OTOGL: variants seen among roughly 807,000 people sequenced by gnomAD.
OTOGL encodes the protein otogelin-like protein.
OTOGL carries 285 observed loss-of-function variants against 318.5 expected under a neutral mutation model. The ratio of observed to expected loss-of-function variants is 0.89; its 90% CI spans 0.81 to 0.99. The LOEUF (loss-of-function observed/expected upper bound fraction) is 0.99, where lower values mean the gene tolerates loss of function less well. Ranked by LOEUF, OTOGL falls within the 50% of genes least tolerant of loss-of-function variation. The pLI is 0.00. For missense variants in OTOGL, 2,899 were observed against 2,845.6 expected (o/e 1.02, Z -0.43); for synonymous variants, 987 against 936.5 (o/e 1.05, Z -0.99).
At chr12:80,303,587 A>C (rs1245797623) in intron 28 of OTOGL, among the ~76,000 whole-genome samples, 1 of 152,208 alleles carries the variant, frequency 6.6e-6, no homozygotes, top group African/African-American at 2.4e-5. Flanking sequence ...TTTATAAAGA[A>C]AAGAGGTTTA....
At chr12:80,377,806 T>C in intron 58 of OTOGL, 42 bp from the exon 59 acceptor site, 1 of 1,444,022 alleles carries the variant, frequency 6.9e-7, no homozygotes, top group Middle Eastern at 2.1e-4. Context: ...ACCAGTACTT[T>C]TAAAAGTTTA....
intron 29 of OTOGL, among the ~76,000 whole-genome samples, chr12:80,307,441 C>A (rs1241411754): frequency 1.5e-5 from 2 of 131,376 alleles, no homozygotes; most frequent in African/African-American, 2.7e-5. Flanking sequence ...GGGGGGCTGA[C>A]CCCCCCCACC....
At chr12:80,137,154 A>T (rs1871629070) in intron 1 of OTOGL, among the ~76,000 whole-genome samples, 1 of 152,186 alleles carries the variant, frequency 6.6e-6, no homozygotes, top group Non-Finnish European at 1.5e-5. Context: ...TAATCTCTCA[A>T]ATTTTATTCT....
At position 80,256,344 on chromosome 12, in the gene OTOGL, G is replaced by T; in HGVS notation, c.1595G>T (p.Gly532Val). ...LQKAPCEQNL[G>V]LVCLQSITLI... ...AATTTGATTTTTACGCAGAATCTTGGCTTGGTCTGCCTTCAGTCTATAACT... is the reference window on the plus strand; with the variant it reads ...AATTTGATTTTTACGCAGAATCTTGTCTTGGTCTGCCTTCAGTCTATAACT... The change falls in exon 17 of 59, where the codon GGC becomes GTC. Residue 532 changes from glycine (G) to valine (V), a missense_variant. By Grantham distance (109) the Gly-to-Val change is moderately radical (BLOSUM62 -3). This residue lies in a region of OTOGL where 2,607 missense variants were observed against 2,524.9 expected (regional missense o/e 1.03). Coordinates refer to ENST00000547103, the MANE Select transcript of OTOGL (RefSeq NM_001378609.3). 1.3e-6 allele frequency: 2 copies of T among 1,594,930 alleles called. No homozygotes were observed. The highest frequency in any genetic ancestry group is 1.7e-6 in the Non-Finnish European group (2 of 1,176,846).
At chr12:80,147,312 A>T (rs1354434426) in intron 1 of OTOGL, among the ~76,000 whole-genome samples, 3 of 143,854 alleles carry the variant, frequency 2.1e-5, no homozygotes, top group Admixed American at 6.9e-5. Context: ...TTCGTTATGT[A>T]CCCAGTAGTC....
chr12:80,303,041 C>T (rs1885870631), intron 28 of OTOGL, among the ~76,000 whole-genome samples: 1 of 152,180 alleles, frequency 6.6e-6, no homozygotes, highest in African/African-American at 2.4e-5. Context: ...TTTTCTTCAG[C>T]TTAATTATGT....
intron 28 of OTOGL, among the ~76,000 whole-genome samples, chr12:80,303,090 C>T (rs1885874830): frequency 1.3e-5 from 2 of 152,174 alleles, no homozygotes; most frequent in Non-Finnish European, 2.9e-5. Flanking sequence ...TTCTTACAAA[C>T]TGCGTTCCAT....
chr12:80,276,266 G>A (rs1341965168), intron 24 of OTOGL, among the ~76,000 whole-genome samples: 2 of 151,732 alleles, frequency 1.3e-5, no homozygotes, highest in African/African-American at 2.4e-5. Flanking sequence ...TAAGCTATAG[G>A]AATGGGGGGT....
Position 80,278,227 on chromosome 12 carries a change from A to T in OTOGL, c.2741A>T (p.Asp914Val), listed in dbSNP as rs1219461181. 1 of 1,546,998 alleles carries T rather than the reference A, an allele frequency of 6.5e-7. No individual in the cohort carries two copies. Reference protein sequence around the residue: ...VPESCPCIWKDWEYLSGEVIA... With the variant: ...VPESCPCIWKVWEYLSGEVIA... The stretch of plus-strand genomic sequence containing the variant: ...GAAAGCTGCCCATGTATTTGGAAAG[A>T]TTGGGAGTATCTCTCAGGAGAAGTG... The change falls in exon 25 of 59, where the codon GAT (aspartate) becomes GTT (valine). Residue 914 changes from aspartate to valine, a missense_variant. Asp to Val is a radical substitution (Grantham distance 152, BLOSUM62 -3). Coordinates refer to ENST00000547103, the MANE Select transcript of OTOGL (RefSeq NM_001378609.3).
At chr12:80,225,241 C>T (rs1878723635) in intron 7 of OTOGL, among the ~76,000 whole-genome samples, 1 of 152,038 alleles carries the variant, frequency 6.6e-6, no homozygotes, top group East Asian at 1.9e-4. Context: ...TACTACTCCC[C>T]CACCCCTCAC....
rs182563515 is a variant in OTOGL, at chr12:80,370,600, A to T, written c.6646A>T (p.Thr2216Ser). ...GAGTACCTGGCACTACAATTGCACC[A>T]CATATGAATGTGTTAAAACTGATGA... ...VGSTWHYNCT[T>S]YECVKTDEGA... Residue 2216 changes from threonine (T) to serine (S), a missense_variant, in exon 56 of 59, where the codon ACA becomes TCA. Around this residue, in one of 3 missense-constraint regions of OTOGL, gnomAD observed 289 missense variants for 304.6 expected, o/e 0.95. Coordinates refer to ENST00000547103, the MANE Select transcript of OTOGL (RefSeq NM_001378609.3). 2.1e-4 allele frequency: 328 copies of T among 1,573,852 alleles called. 2 individuals are homozygous for T. Among genetic ancestry groups the T allele is most frequent in the Non-Finnish European group, 4.3e-6 (5 of 1,159,900 alleles).
chr12:80,367,788 A>AGG, intron 54 of OTOGL, 49 bp downstream of exon 54: 1 of 1,242,318 alleles, frequency 8.0e-7, no homozygotes, highest in Non-Finnish European at 1.1e-6. Flanking sequence ...GCATTCAAAA[A>AGG]TGGCAGAGTT....
At chr12:80,358,214 C>T (rs779676266) in intron 49 of OTOGL, 34 bp from the exon 50 acceptor site, 2 of 1,383,164 alleles carry the variant, frequency 1.4e-6, no homozygotes, top group Non-Finnish European at 1.0e-6. Flanking sequence ...GTTTTTAGCT[C>T]AGCTGTGATT....
intron 4 of OTOGL, among the ~76,000 whole-genome samples, chr12:80,213,552 G>A (rs959048234): frequency 1.3e-5 from 2 of 152,118 alleles, no homozygotes; most frequent in African/African-American, 2.4e-5. Flanking sequence ...CACCTCTGAC[G>A]CCAGAATAGG....
chr12:80,199,485 AAG>A (rs1175878196), intron 1 of OTOGL, among the ~76,000 whole-genome samples: 1 of 152,202 alleles, frequency 6.6e-6, no homozygotes, highest in Non-Finnish European at 1.5e-5. Flanking sequence ...GTAATCTTTG[AAG>A]AGAGAGGCCA....
At position 80,265,604 on chromosome 12, in the gene OTOGL, C is replaced by T. The variant is rs1431384538; in HGVS notation, c.2224+394C>T. 2.0e-5 allele frequency: 4 copies of T among 204,454 alleles called. No homozygotes were observed. In the South Asian group the frequency reaches 3.2e-4, roughly 17 times the overall value. The allele number at this position is 204,454 out of a possible 1,614,324, so 12.7% of individuals were successfully genotyped here. ...ATGTTATGCAACAGGCAATTATTAT[C>T]AAGTTATTGGGGCTCTAATTTTCAC... On this transcript the variant is annotated intron_variant, in intron 20 of 58. Transcript: ENST00000547103.
intron 27 of OTOGL, among the ~76,000 whole-genome samples, chr12:80,301,015 ACT>A (rs1885726076): frequency 6.6e-6 from 1 of 152,162 alleles, no homozygotes; most frequent in Non-Finnish European, 1.5e-5. Flanking sequence ...GGTCTAGGAG[ACT>A]GAAAACTCCT....
chr12:80,271,638 A>T lies in OTOGL; in HGVS notation c.2519-10A>T. On this transcript the variant is annotated splice_polypyrimidine_tract_variant and intron_variant, in intron 23 of 58. Coordinates refer to ENST00000547103, the MANE Select transcript of OTOGL (RefSeq NM_001378609.3). Reference sequence around the variant, plus strand: ...AGTTAAGGACATTTTGTCTGTGCTTATATCTGAAGTTCACATCTGCCCAGA... The same window carrying T: ...AGTTAAGGACATTTTGTCTGTGCTTTTATCTGAAGTTCACATCTGCCCAGA... 1.2e-6 allele frequency: 2 copies of T among 1,611,300 alleles called. No homozygotes were observed. The highest frequency in any genetic ancestry group is 2.2e-5 in the East Asian group (1 of 44,778).
chr12:80,295,532 A>G (rs1463896672), intron 26 of OTOGL, among the ~76,000 whole-genome samples: 1 of 152,194 alleles, frequency 6.6e-6, no homozygotes, highest in South Asian at 2.1e-4. Context: ...ATGCTGACCC[A>G]TGTGTCTCAA....
Sources: gnomAD v4.1 joint callset for allele counts (sites outside exome capture counted in the v4.1 genomes callset) on GRCh38, gnomAD v4.1.1 for gene constraint, gnomAD v4.1.1 regional missense constraint, MANE v1.5 for transcripts, NCBI Gene and HGNC (gene_info 2026-07-23, HGNC 2026-07-21) for gene names.